The following KCNMA1 variants were observed in gnomAD, a reference collection of about 807,000 sequenced individuals.
The protein encoded by KCNMA1 is potassium calcium-activated channel subfamily M alpha 1.
Under a neutral mutation model 140.0 loss-of-function variants are expected in KCNMA1, and 29 were observed. That is an observed-to-expected ratio of 0.21 (90% CI 0.15 to 0.28). KCNMA1 has a LOEUF of 0.28. Ranked by LOEUF, KCNMA1 falls within the 10% of genes least tolerant of loss-of-function variation. The pLI is 1.00. For synonymous variants in KCNMA1, 612 were observed against 611.9 expected (o/e 1.00, Z 0.00); for missense variants, 880 against 1,602.2 (o/e 0.55, Z 7.70).
At chr10:77,151,229 T>C (rs571301536) in intron 5 of KCNMA1, among the ~76,000 whole-genome samples, 164 of 151,822 alleles carry the variant, frequency 1.1e-3, no homozygotes, top group African/African-American at 3.9e-3. Context: ...TCCTTCTTTC[T>C]TTCTCTTTCT....
At chr10:77,364,827 G>A (rs963444835) in intron 2 of KCNMA1, among the ~76,000 whole-genome samples, 1 of 152,160 alleles carries the variant, frequency 6.6e-6, no homozygotes, top group African/African-American at 2.4e-5. Context: ...CTTAGGCAAT[G>A]AGATGAAATT....
chr10:77,365,518 G>A (rs1172414011), intron 2 of KCNMA1, among the ~76,000 whole-genome samples: 1 of 152,222 alleles, frequency 6.6e-6, no homozygotes, highest in Admixed American at 6.5e-5. Flanking sequence ...GGGGGCAGAG[G>A]AGGGGTAACT....
rs545580258 is a variant in KCNMA1 at position 77,356,653 on chromosome 10, C to G, written c.540+47209G>C. Among the ~76,000 whole-genome samples, 8 of 152,302 alleles carry G rather than the reference C, an allele frequency of 5.3e-5. No homozygotes were observed. In the South Asian group the frequency reaches 1.7e-3, roughly 32 times the overall value. On this transcript the variant is annotated intron_variant, in intron 2 of 27. Transcript: ENST00000286628. ...AAACATGGGTCACCCCAGGTCTGGT[C>G]CCTCAAGTCTACCCAACCAAACCAT... is the stretch of plus-strand genomic sequence containing the variant.
intron 19 of KCNMA1, among the ~76,000 whole-genome samples, chr10:76,978,860 C>T (rs1454125983): frequency 1.3e-5 from 2 of 152,162 alleles, no homozygotes; most frequent in Admixed American, 6.5e-5. Context: ...TAAATGTCAG[C>T]TTTGAAATCA....
intron 1 of KCNMA1, among the ~76,000 whole-genome samples, chr10:77,611,767 T>C (rs894389998): frequency 3.9e-5 from 6 of 152,112 alleles, no homozygotes; most frequent in African/African-American, 1.4e-4. Context: ...CAGACAACTT[T>C]ACCAAAAACC....
rs200136190 is a variant in KCNMA1, at chr10:77,018,995, T to G, written c.2015+18A>C. 2 of 1,444,316 alleles carry G rather than the reference T, an allele frequency of 1.4e-6. No individual in the cohort carries two copies. Among genetic ancestry groups the G allele is most frequent in the South Asian group, 2.3e-5 (2 of 87,440 alleles). 89.5% of individuals were successfully genotyped at this position (1,444,316 alleles called of 1,614,324 possible). A position where few individuals can be genotyped will look rare whatever the true frequency, so the allele number is the denominator to read the frequency against. ...ACAGCCGGGCCAGAAAGAAAGCCAG[T>G]TGAAAATAAACTCTTACCTTTTAAC... On this transcript the variant is annotated intron_variant, in intron 17 of 27. Transcript: ENST00000286628.
intron 1 of KCNMA1, among the ~76,000 whole-genome samples, chr10:77,451,937 C>G (rs537797695): frequency 4.2e-4 from 64 of 152,286 alleles, no homozygotes; most frequent in Admixed American, 4.2e-3. Context: ...GTGGAACACC[C>G]CTGGCTTTGA....
chr10:77,521,558 A>C (rs1454430939), intron 1 of KCNMA1, among the ~76,000 whole-genome samples: 1 of 152,258 alleles, frequency 6.6e-6, no homozygotes, highest in African/African-American at 2.4e-5. Context: ...CATGGATAAC[A>C]GAGAACCTCT....
intron 3 of KCNMA1, among the ~76,000 whole-genome samples, chr10:77,197,927 G>A (rs2041125621): frequency 6.6e-6 from 1 of 152,162 alleles, no homozygotes; most frequent in African/African-American, 2.4e-5. Flanking sequence ...CAGAGCGCTG[G>A]CATTACACGC....
intron 1 of KCNMA1, among the ~76,000 whole-genome samples, chr10:77,628,937 T>A (rs914730942): frequency 6.6e-6 from 1 of 152,178 alleles, no homozygotes; most frequent in African/African-American, 2.4e-5. Flanking sequence ...TTCCTGTGAA[T>A]TCGCTTTGAA....
chr10:77,319,051 C>A (rs934302114), intron 2 of KCNMA1, among the ~76,000 whole-genome samples: 2 of 152,106 alleles, frequency 1.3e-5, no homozygotes, highest in Non-Finnish European at 2.9e-5. Flanking sequence ...TTGGGCTCTG[C>A]GGAGAACATA....
At chr10:77,440,518 G>A (rs1419983778) in intron 1 of KCNMA1, among the ~76,000 whole-genome samples, 1 of 152,126 alleles carries the variant, frequency 6.6e-6, no homozygotes, top group African/African-American at 2.4e-5. Context: ...TCGGTCCAGG[G>A]GAGGGAGCAA....
intron 1 of KCNMA1, among the ~76,000 whole-genome samples, chr10:77,517,165 C>T (rs1271696282): frequency 6.6e-6 from 1 of 152,056 alleles, no homozygotes; most frequent in Admixed American, 6.6e-5. Flanking sequence ...CAGACCCTAC[C>T]CTTGGCACTC....
intron 20 of KCNMA1, among the ~76,000 whole-genome samples, chr10:76,963,652 C>G (rs931430612): frequency 2.0e-5 from 3 of 152,184 alleles, no homozygotes; most frequent in Non-Finnish European, 2.9e-5. Flanking sequence ...ATTGTGTCAA[C>G]ACTTGATTCT....
rs549816500 is a variant in KCNMA1, at chr10:77,614,504, T to G, written c.378+22761A>C. ...AACCAGTGCTTTGTGTAAGATAGACTCAAAGGTGAGCTTGAATAAACTGAC... is the reference window on the plus strand; with the variant it reads ...AACCAGTGCTTTGTGTAAGATAGACGCAAAGGTGAGCTTGAATAAACTGAC... On this transcript the variant is annotated intron_variant, in intron 1 of 27. Transcript: ENST00000286628. Among the ~76,000 whole-genome samples, 5 of 152,280 alleles carry G rather than the reference T, an allele frequency of 3.3e-5. No homozygotes were observed. The East Asian group carries it at 9.7e-4, about 29-fold the overall frequency.
chr10:77,485,818 G>A (rs1165847847), intron 1 of KCNMA1, among the ~76,000 whole-genome samples: 2 of 152,148 alleles, frequency 1.3e-5, no homozygotes, highest in Non-Finnish European at 2.9e-5. Context: ...TGTCCCCCAA[G>A]GACCAATGTC....
chr10:77,495,784 A>G (rs1455348043), intron 1 of KCNMA1, among the ~76,000 whole-genome samples: 2 of 152,296 alleles, frequency 1.3e-5, no homozygotes, highest in East Asian at 3.9e-4. Context: ...GAGGAAAGCC[A>G]GCCTCATGAT....
chr10:77,302,947 T>C (rs1007777194), intron 2 of KCNMA1, among the ~76,000 whole-genome samples: 64 of 152,018 alleles, frequency 4.2e-4, no homozygotes, highest in African/African-American at 1.5e-3. Context: ...AGGGGGGGGT[T>C]TCACTGGGGA....
intron 2 of KCNMA1, among the ~76,000 whole-genome samples, chr10:77,401,901 C>T (rs770884717): frequency 8.5e-5 from 13 of 152,200 alleles, no homozygotes; most frequent in Non-Finnish European, 1.9e-4. Context: ...ATCCTCCATG[C>T]ATTCCTTCAA....
Sources: gnomAD v4.1 joint callset for allele counts (sites outside exome capture counted in the v4.1 genomes callset) on GRCh38, gnomAD v4.1.1 for gene constraint, MANE v1.5 for transcripts, NCBI Gene and HGNC (gene_info 2026-07-23, HGNC 2026-07-21) for gene names.